The following SLC66A2 variants were observed in gnomAD, a reference collection of about 807,000 sequenced individuals.
SLC66A2 encodes the protein PQ loop repeat containing 1.
A neutral mutation model predicts 25.5 loss-of-function variants in SLC66A2; 23 were observed. The ratio of observed to expected loss-of-function variants is 0.90; its 90% confidence interval spans 0.65 to 1.28. The LOEUF (loss-of-function observed/expected upper bound fraction) is 1.28, where lower values mean the gene tolerates loss of function less well. Ranked by LOEUF, SLC66A2 falls within the 50% of genes most tolerant of loss-of-function variation. The probability of loss-of-function intolerance (pLI) is 0.00; values close to 1 mark genes in which losing one functional copy is unlikely to be tolerated. For synonymous variants in SLC66A2, 193 were observed against 166.5 expected (o/e 1.16, Z -1.23); for missense variants, 396 against 373.1 (o/e 1.06, Z -0.51).
chr18:79,905,606 C>A (rs1982005618), intron 5 of SLC66A2, among the ~76,000 whole-genome samples: 1 of 152,258 alleles, frequency 6.6e-6, no homozygotes, highest in Admixed American at 6.5e-5. Context: ...TGCGCGGTGA[C>A]CCCGCCACCG....
chr18:79,951,207 C>T (rs1184660674), intron 1 of SLC66A2, among the ~76,000 whole-genome samples, 182 bp from the exon 2 acceptor site: 1 of 151,578 alleles, frequency 6.6e-6, no homozygotes, highest in Admixed American at 6.6e-5. Flanking sequence ...GAGACGCTCC[C>T]GGAGGGGGCT....
intron 5 of SLC66A2, among the ~76,000 whole-genome samples, chr18:79,916,296 G>A (rs979724148): frequency 3.5e-4 from 49 of 139,134 alleles, no homozygotes; most frequent in African/African-American, 1.2e-3. Context: ...CCGTACCCGT[G>A]GTGCTCCCGT....
In SLC66A2 at chr18:79,941,236, G is replaced by A. The variant is rs1987638572; in HGVS notation, c.337+2093C>T. On this transcript the variant is annotated intron_variant, in intron 3 of 5. Transcript: ENST00000397778. This position sits in a 1 kb window ranked among gnomAD's most constrained non-coding sequence, Gnocchi z 4.1. ...GGGGCTCTGCTGCCTGTAAAGCGAC[G>A]GCCGACCCATGGCAGAGAGCCAGGC... is the stretch of plus-strand genomic sequence containing the variant. Among the ~76,000 whole-genome samples, 1 of 152,140 alleles carries A rather than the reference G, an allele frequency of 6.6e-6. No individual in the cohort carries two copies. The highest frequency in any genetic ancestry group is 2.4e-5 in the African/African-American group (1 of 41,420).
intron 5 of SLC66A2, among the ~76,000 whole-genome samples, chr18:79,905,380 G>T (rs1981949942): frequency 1.3e-5 from 2 of 152,248 alleles, no homozygotes; most frequent in African/African-American, 4.8e-5. Flanking sequence ...ACAGGGTGGT[G>T]CCTGGGTAGC....
chr18:79,951,179 G>A (rs1363350413), intron 1 of SLC66A2, among the ~76,000 whole-genome samples, 154 bp from the exon 2 acceptor site: 2 of 151,694 alleles, frequency 1.3e-5, no homozygotes, highest in African/African-American at 4.8e-5. Flanking sequence ...CTGGGACGGG[G>A]GGGTGTCTGG....
At chr18:79,914,812 G>A (rs1013422891) in intron 5 of SLC66A2, among the ~76,000 whole-genome samples, 4 of 152,230 alleles carry the variant, frequency 2.6e-5, no homozygotes, top group Admixed American at 6.5e-5. Context: ...ACTCAGCCCT[G>A]CCCAGAGGGA....
chr18:79,913,173 C>T (rs990914800), intron 5 of SLC66A2, among the ~76,000 whole-genome samples: 12 of 152,216 alleles, frequency 7.9e-5, no homozygotes, highest in African/African-American at 2.9e-4. Flanking sequence ...GCCACACCTG[C>T]CTGGTCACCC....
rs187614452 is a variant in SLC66A2 at position 79,913,616 on chromosome 18, C to T, written c.608+5568G>A. 1.8e-4 allele frequency among the ~76,000 whole-genome samples: 27 copies of T among 152,344 alleles called. 1 individual carries two copies. In the East Asian group the frequency reaches 5.0e-3, roughly 28 times the overall value. On this transcript the variant is annotated intron_variant, in intron 5 of 5. Transcript: ENST00000397778. ...GTGTGTGTGCATGCGCGCACGCGCG[C>T]ATGGAGGCAACTGTGCATGCCGGCC...
chr18:79,906,416 T>G (rs1217112170), intron 5 of SLC66A2, among the ~76,000 whole-genome samples: 2 of 152,238 alleles, frequency 1.3e-5, no homozygotes, highest in Non-Finnish European at 2.9e-5. Flanking sequence ...CCACAAATTT[T>G]GATATGGTGG....
In SLC66A2 at chr18:79,912,096, GGGGACA is replaced by G. The variant is rs1472184553; in HGVS notation, c.608+7082_608+7087del. ...AGCAGGGAGGGGACAAGAGCAGGAAGGGGACAGGAGTGGGGGGGACGGGAGCAGGGA... is the reference window on the plus strand; with the variant it reads ...AGCAGGGAGGGGACAAGAGCAGGAAGGGAGTGGGGGGGACGGGAGCAGGGA... On this transcript the variant is annotated intron_variant, in intron 5 of 5. Transcript: ENST00000397778. 2.8e-5 allele frequency among the ~76,000 whole-genome samples: 4 copies of G among 140,796 alleles called. No homozygotes were observed. In the East Asian group the frequency reaches 9.1e-4, roughly 32 times the overall value. The allele number at this position is 140,796 out of a possible 152,430, so 92.4% of individuals were successfully genotyped here.
chr18:79,950,111 T>C (rs1369867404), intron 2 of SLC66A2, among the ~76,000 whole-genome samples: 2 of 151,912 alleles, frequency 1.3e-5, no homozygotes, highest in African/African-American at 4.8e-5. Flanking sequence ...AGAGGCCCAG[T>C]GGGGAGGGAT....
intron 4 of SLC66A2, among the ~76,000 whole-genome samples, chr18:79,923,612 C>T (rs1356235237): frequency 2.0e-5 from 3 of 152,138 alleles, no homozygotes; most frequent in Non-Finnish European, 2.9e-5. Flanking sequence ...CAAAAACCTA[C>T]AAATAAGACC....
rs1300940373 is a variant in SLC66A2, at chr18:79,941,546, C to A, written c.337+1783G>T. On this transcript the variant is annotated intron_variant, in intron 3 of 5. Coordinates refer to ENST00000397778, the MANE Select transcript of SLC66A2 (RefSeq NM_025078.5). This position sits in a 1 kb window ranked among gnomAD's most constrained non-coding sequence, Gnocchi z 4.1. ...CTGGGTAACCAGAAGAGAAGTACTC[C>A]TTTGGAAGAAGTGACACAGAACGCC... The A allele has an allele frequency of 3.3e-5, 5 of 152,206 alleles. No individual in the cohort carries two copies. The highest frequency in any genetic ancestry group is 7.3e-5 in the Non-Finnish European group (5 of 68,040). The allele number at this position is 152,206 out of a possible 1,614,324, so 9.4% of individuals were successfully genotyped here.
chr18:79,940,186 C>T lies in SLC66A2; in HGVS notation c.337+3143G>A, dbSNP rs903689747. On this transcript the variant is annotated intron_variant, in intron 3 of 5. Coordinates refer to ENST00000397778, the MANE Select transcript of SLC66A2 (RefSeq NM_025078.5). This position sits in a 1 kb window ranked among gnomAD's most constrained non-coding sequence, Gnocchi z 4.1. ...GTAAGTGGGAGCTAAATGATGAGAA[C>T]ACATGGACACACAGAGGGGAACAAC... is the stretch of plus-strand genomic sequence containing the variant. Among the ~76,000 whole-genome samples, 1 of 152,086 alleles carries T rather than the reference C, an allele frequency of 6.6e-6. No homozygotes were observed. The highest frequency in any genetic ancestry group is 2.4e-5 in the African/African-American group (1 of 41,400).
At chr18:79,925,491 TG>T (rs1985838590) in intron 4 of SLC66A2, among the ~76,000 whole-genome samples, 1 of 152,150 alleles carries the variant, frequency 6.6e-6, no homozygotes, top group African/African-American at 2.4e-5. Flanking sequence ...TTTCCAGGCT[TG>T]GGGGGCTCAC....
intron 3 of SLC66A2, among the ~76,000 whole-genome samples, chr18:79,934,882 A>C (rs1001896737): frequency 7.2e-5 from 11 of 152,138 alleles, no homozygotes; most frequent in South Asian, 4.1e-4. Context: ...GTGACCTCTG[A>C]CCTCTGCCCT....
intron 4 of SLC66A2, among the ~76,000 whole-genome samples, chr18:79,931,099 T>C (rs893423906): frequency 2.6e-5 from 4 of 152,150 alleles, no homozygotes; most frequent in African/African-American, 9.7e-5. Flanking sequence ...GAAATTAAAA[T>C]GTTACATTAG....
rs1984449935 is a variant in SLC66A2, at chr18:79,918,100, T to C, written c.608+1084A>G. 6.6e-6 allele frequency among the ~76,000 whole-genome samples: 1 copy of C among 151,678 alleles called. No individual in the cohort carries two copies. Among genetic ancestry groups the C allele is most frequent in the African/African-American group, 2.4e-5 (1 of 41,226 alleles). On this transcript the variant is annotated intron_variant, in intron 5 of 5. Transcript: ENST00000397778. This position sits in a 1 kb window ranked among gnomAD's most constrained non-coding sequence, Gnocchi z 4.0. Reference sequence around the variant, plus strand: ...TACGACAAGCCCTCCTACCTTTACCTCTCACGGGCAACTGAACCTACACAC... The same window carrying C: ...TACGACAAGCCCTCCTACCTTTACCCCTCACGGGCAACTGAACCTACACAC...
Position 79,904,948 on chromosome 18 carries a change from G to C in SLC66A2, c.609-765C>G, listed in dbSNP as rs1467050297. Among the ~76,000 whole-genome samples, 2 of 152,186 alleles carry C rather than the reference G, an allele frequency of 1.3e-5. No individual in the cohort carries two copies. The highest frequency in any genetic ancestry group is 3.9e-4 in the East Asian group (2 of 5,174). On this transcript the variant is annotated intron_variant, in intron 5 of 5. Coordinates refer to ENST00000397778, the MANE Select transcript of SLC66A2 (RefSeq NM_025078.5). The surrounding 1 kb of genome is among the most constrained non-coding windows in gnomAD (Gnocchi z 6.3). Reference sequence around the variant, plus strand: ...AGCGCTGCCTGGACAGAAAGGACAGGACACAGCCCTCCCCCACCCTGGGGC... The same window carrying C: ...AGCGCTGCCTGGACAGAAAGGACAGCACACAGCCCTCCCCCACCCTGGGGC...
Sources: allele counts gnomAD v4.1 joint callset (sites outside exome capture counted in the v4.1 genomes callset), GRCh38; gene constraint gnomAD v4.1.1; non-coding constraint Gnocchi (gnomAD v3.1); transcripts MANE v1.5; gene names NCBI Gene and HGNC (gene_info 2026-07-23, HGNC 2026-07-21).